The following SNTB1 variants were observed in gnomAD, a reference collection of about 807,000 sequenced individuals.
SNTB1 encodes the protein syntrophin beta 1.
SNTB1 carries 36 observed loss-of-function variants against 48.9 expected under a neutral mutation model. That is an observed-to-expected ratio of 0.74 (90% CI 0.56 to 0.97). SNTB1 has a LOEUF of 0.97. SNTB1 is among the 50% of genes least tolerant of loss of function. The pLI is 0.00. For synonymous variants in SNTB1, 299 were observed against 294.6 expected, an observed-to-expected ratio of 1.01 and a Z score of -0.15; for missense variants, 786 against 703.4, an observed-to-expected ratio of 1.12 and a Z score of -1.33.
intron 5 of SNTB1, 67 bp downstream of exon 5, chr8:120,548,695 C>A: frequency 6.9e-7 from 1 of 1,444,280 alleles, no homozygotes; most frequent in Non-Finnish European, 9.7e-7. Context: ...TACTTTAAGG[C>A]CCCGGTGGAG....
intron 1 of SNTB1, among the ~76,000 whole-genome samples, chr8:120,731,526 C>G (rs79341472): frequency 0.069 from 10,532 of 152,262 alleles, 525 homozygotes; most frequent in East Asian, 0.18. Flanking sequence ...AGATGACTTC[C>G]AAGGCGTCTA....
chr8:120,561,816 A>C (rs1033785891), intron 4 of SNTB1, among the ~76,000 whole-genome samples: 3 of 152,138 alleles, frequency 2.0e-5, no homozygotes, highest in African/African-American at 7.2e-5. Context: ...ATATTCTCCT[A>C]CCATCAGCCC....
chr8:120,634,737 T>C (rs1207743922), intron 2 of SNTB1, among the ~76,000 whole-genome samples: 2 of 152,324 alleles, frequency 1.3e-5, no homozygotes, highest in East Asian at 3.9e-4. Context: ...TGTTAACATT[T>C]GAAACCAAAC....
intron 2 of SNTB1, among the ~76,000 whole-genome samples, chr8:120,645,444 T>C (rs1349719228): frequency 6.6e-6 from 1 of 151,492 alleles, no homozygotes; most frequent in Non-Finnish European, 1.5e-5. Context: ...TGCTTGTTTT[T>C]CTCAGGTTTG....
rs779749416 is a variant in SNTB1, at chr8:120,795,336, CA to C, written c.571+15936del. On this transcript the variant is annotated intron_variant, in intron 1 of 6. Coordinates refer to ENST00000517992, the MANE Select transcript of SNTB1 (RefSeq NM_021021.4). ...ATAGCAAGGCTGGCATGCATGAGAGCAAAATTTAGTGGTGCTGTATGTACCA... is the reference window on the plus strand; with the variant it reads ...ATAGCAAGGCTGGCATGCATGAGAGCAAATTTAGTGGTGCTGTATGTACCA... Among the ~76,000 whole-genome samples the C allele has an allele frequency of 1.7e-3, 255 of 151,958 alleles. 2 individuals carry two copies. The highest frequency in any genetic ancestry group is 3.3e-3 in the South Asian group (16 of 4,806).
At position 120,811,222 on chromosome 8, in the gene SNTB1, C is replaced by G. The variant is rs780123294; in HGVS notation, c.571+51G>C. ...GAGTGTGAGCGTGCGGGTGGGAAGC[C>G]GAGCAGGTGTGTGCGCGCCCGGCGC... On this transcript the variant is annotated intron_variant, in intron 1 of 6. Transcript: ENST00000517992. 1.0e-5 allele frequency: 16 copies of G among 1,527,878 alleles called. 1 individual carries two copies. Among genetic ancestry groups the G allele is most frequent in the Middle Eastern group, 1.9e-4 (1 of 5,144 alleles). 94.6% of individuals were successfully genotyped at this position (1,527,878 alleles called of 1,614,324 possible).
At chr8:120,581,370 G>A (rs759451725) in intron 3 of SNTB1, among the ~76,000 whole-genome samples, 13 of 152,144 alleles carry the variant, frequency 8.5e-5, no homozygotes, top group Non-Finnish European at 1.8e-4. Context: ...TTGGGAGGCC[G>A]AGGTGGGCAG....
chr8:120,561,185 G>A (rs1815649000), intron 4 of SNTB1, among the ~76,000 whole-genome samples: 1 of 151,616 alleles, frequency 6.6e-6, no homozygotes, highest in South Asian at 2.1e-4. Flanking sequence ...AAATTAGACG[G>A]GCATGGTAGC....
intron 3 of SNTB1, among the ~76,000 whole-genome samples, chr8:120,630,722 AC>A (rs748224762): frequency 4.6e-5 from 7 of 151,890 alleles, no homozygotes; most frequent in Admixed American, 1.3e-4. Flanking sequence ...TTAGAGAACC[AC>A]CCCTCCTCAT....
At chr8:120,580,246 T>C (rs556475359) in intron 3 of SNTB1, among the ~76,000 whole-genome samples, 1 of 152,258 alleles carries the variant, frequency 6.6e-6, no homozygotes, top group East Asian at 1.9e-4. Flanking sequence ...CTTTCCACCT[T>C]CTACTTGAGC....
chr8:120,637,404 G>A (rs1817099560), intron 2 of SNTB1: 2 of 206,106 alleles, frequency 9.7e-6, no homozygotes, highest in South Asian at 1.9e-4. Context: ...TTTTATGACT[G>A]TTGCTCATAA....
At chr8:120,799,337 C>T (rs891140430) in intron 1 of SNTB1, among the ~76,000 whole-genome samples, 2 of 151,026 alleles carry the variant, frequency 1.3e-5, no homozygotes, top group African/African-American at 4.9e-5. Context: ...CACTCAAAAA[C>T]AAAGTAGAGA....
intron 3 of SNTB1, among the ~76,000 whole-genome samples, chr8:120,587,880 A>T (rs1816174356): frequency 6.6e-6 from 1 of 152,160 alleles, no homozygotes; most frequent in South Asian, 2.1e-4. Context: ...CATTAACTCC[A>T]AAGGGCCATT....
At chr8:120,684,260 G>T (rs1443844878) in intron 2 of SNTB1, among the ~76,000 whole-genome samples, 1 of 152,100 alleles carries the variant, frequency 6.6e-6, no homozygotes. Context: ...CAATGGAGAG[G>T]AGTTTTCAAC....
intron 3 of SNTB1, among the ~76,000 whole-genome samples, chr8:120,628,213 A>C (rs183717598): frequency 3.5e-4 from 53 of 152,326 alleles, no homozygotes; most frequent in Non-Finnish European, 5.6e-4. Flanking sequence ...TGCCTGATGA[A>C]CTGAGCACAA....
chr8:120,795,992 C>T (rs13274524), intron 1 of SNTB1, among the ~76,000 whole-genome samples: 17,918 of 151,982 alleles, frequency 0.12, 1,552 homozygotes, highest in African/African-American at 0.24. Flanking sequence ...TGAATCTGTG[C>T]CGCCGCCTAA....
rs1321156667 is a variant in SNTB1 at position 120,670,878 on chromosome 8, T to C, written c.788+22814A>G. Among the ~76,000 whole-genome samples, 4 of 152,220 alleles carry C rather than the reference T, an allele frequency of 2.6e-5. No homozygotes were observed. The South Asian group carries it at 8.3e-4, about 32-fold the overall frequency. On this transcript the variant is annotated intron_variant, in intron 2 of 6. Coordinates refer to ENST00000517992, the MANE Select transcript of SNTB1 (RefSeq NM_021021.4). ...CCCCATAATGTAGGTACCATTACTGTTACTACCATTCTATGAATTAAAAGA... is the reference window on the plus strand; with the variant it reads ...CCCCATAATGTAGGTACCATTACTGCTACTACCATTCTATGAATTAAAAGA...
At chr8:120,557,639 C>T (rs1378504428) in intron 4 of SNTB1, among the ~76,000 whole-genome samples, 2 of 152,202 alleles carry the variant, frequency 1.3e-5, no homozygotes, top group Admixed American at 1.3e-4. Flanking sequence ...TATTCCCACA[C>T]ATCATTATCA....
At chr8:120,807,573 T>C (rs1820356024) in intron 1 of SNTB1, among the ~76,000 whole-genome samples, 1 of 152,272 alleles carries the variant, frequency 6.6e-6, no homozygotes, top group South Asian at 2.1e-4. Flanking sequence ...TTAGTCTCCT[T>C]GCTGGCCATG....
Sources: allele counts gnomAD v4.1 joint callset (sites outside exome capture counted in the v4.1 genomes callset), GRCh38; gene constraint gnomAD v4.1.1; transcripts MANE v1.5; gene names NCBI Gene and HGNC (gene_info 2026-07-23, HGNC 2026-07-21).